Variants in EPS15L1 observed in about 807,000 individuals in gnomAD.
EPS15L1 encodes epidermal growth factor receptor substrate 15-like 1.
Under a neutral mutation model 117.1 loss-of-function variants are expected in EPS15L1, and 43 were observed. That is an observed-to-expected ratio of 0.37 (90% CI 0.29 to 0.47). The LOEUF is 0.47. Among genes scored for constraint, EPS15L1 ranks in the 20% least tolerant of loss-of-function variants. The probability of loss-of-function intolerance (pLI) is 0.99; values close to 1 mark genes in which losing one functional copy is unlikely to be tolerated. For synonymous variants in EPS15L1, 459 were observed against 470.5 expected (o/e 0.98, Z 0.32); for missense variants, 981 against 1,164.0 (o/e 0.84, Z 2.29).
rs772533372 is a variant in EPS15L1 at position 16,361,756 on chromosome 19, C to G, written c.2586+23G>C. On this transcript the variant is annotated intron_variant, in intron 23 of 23. Transcript: ENST00000455140. ...GCAAGCGGAAGGGAGTGGGGTGGCC[C>G]GGAGGCGGAGGACTCAACTTACAGA... 1.3e-5 allele frequency: 21 copies of G among 1,602,660 alleles called. 1 individual carries two copies. Among genetic ancestry groups the G allele is most frequent in the Admixed American group, 1.7e-5 (1 of 58,422 alleles).
At chr19:16,468,075 T>C (rs969869349) in intron 1 of EPS15L1, among the ~76,000 whole-genome samples, 13 of 152,110 alleles carry the variant, frequency 8.5e-5, no homozygotes, top group African/African-American at 2.9e-4. Flanking sequence ...TACCACGCGC[T>C]TCCTAGGTAC....
intron 20 of EPS15L1, 77 bp from the exon 21 acceptor site, chr19:16,385,288 G>T: frequency 8.3e-7 from 1 of 1,198,042 alleles, no homozygotes; most frequent in Non-Finnish European, 1.2e-6. Flanking sequence ...GGAAATGCTA[G>T]ATGGCCCCTG....
At chr19:16,401,924 G>T in intron 16 of EPS15L1, 9 of 1,009,566 alleles carry the variant, frequency 8.9e-6, no homozygotes, top group Non-Finnish European at 1.1e-5. Context: ...ATAGACACAT[G>T]CCCCTCAGAT....
chr19:16,374,875 G>A (rs548821190), intron 22 of EPS15L1, among the ~76,000 whole-genome samples: 7 of 152,388 alleles, frequency 4.6e-5, no homozygotes, highest in Non-Finnish European at 1.0e-4. Context: ...ACGCATATGT[G>A]TGTGCACGTT....
At chr19:16,367,515 A>C (rs1207014419) in intron 22 of EPS15L1, among the ~76,000 whole-genome samples, 4 of 149,212 alleles carry the variant, frequency 2.7e-5, no homozygotes, top group Non-Finnish European at 6.0e-5. Context: ...AAAAAAAAAA[A>C]AAAAAAAAAA....
chr19:16,449,976 G>A (rs2093124026), intron 1 of EPS15L1, among the ~76,000 whole-genome samples: 1 of 152,096 alleles, frequency 6.6e-6, no homozygotes, highest in African/African-American at 2.4e-5. Context: ...CAGAGTGGTG[G>A]TTGCCGGGGA....
At chr19:16,386,503 C>T (rs1369394201) in intron 19 of EPS15L1, among the ~76,000 whole-genome samples, 1 of 152,168 alleles carries the variant, frequency 6.6e-6, no homozygotes, top group East Asian at 1.9e-4. Context: ...AGGAAGAAGA[C>T]TTTGGAGGAG....
intron 19 of EPS15L1, 94 bp from the exon 20 acceptor site, chr19:16,386,325 T>C (rs184139470): frequency 1.0e-6 from 1 of 962,158 alleles, no homozygotes; most frequent in East Asian, 2.6e-5. Context: ...ATGTACAACA[T>C]CCAGTGCTGA....
Position 16,421,303 on chromosome 19 carries a change from A to C in EPS15L1, c.950+16T>G. On this transcript the variant is annotated intron_variant, in intron 10 of 23. Transcript: ENST00000455140. ...GGAGCCACCCACAGCCACAACTGCC[A>C]CCTGTCCGGCCTTACCATATGTGTG... 1 of 1,588,208 alleles carries C rather than the reference A, an allele frequency of 6.3e-7. No homozygotes were observed. Among genetic ancestry groups the C allele is most frequent in the Non-Finnish European group, 8.6e-7 (1 of 1,160,282 alleles).
intron 1 of EPS15L1, among the ~76,000 whole-genome samples, chr19:16,449,257 A>C (rs546625974): frequency 1.3e-5 from 2 of 151,978 alleles, no homozygotes; most frequent in Non-Finnish European, 2.9e-5. Flanking sequence ...AAAACAAACA[A>C]ACAAACAAAC....
At chr19:16,401,550 CG>C in intron 16 of EPS15L1, 3 of 985,656 alleles carry the variant, frequency 3.0e-6, no homozygotes, top group South Asian at 4.7e-5. Context: ...CATCCGCTCC[CG>C]GAACAGCACC....
intron 9 of EPS15L1, 28 bp from the exon 10 acceptor site, chr19:16,421,504 A>T: frequency 6.3e-7 from 1 of 1,594,646 alleles, no homozygotes; most frequent in Non-Finnish European, 8.6e-7. Flanking sequence ...AAAACAGTTA[A>T]TCTGGAAGCT....
At position 16,434,411 on chromosome 19, in the gene EPS15L1, T is replaced by A; in HGVS notation, c.452A>T (p.Lys151Met). Residue 151 changes from lysine to methionine, a missense_variant, in exon 7 of 24, where the codon AAG becomes ATG. By Grantham distance (95) the Lys-to-Met change is moderately conservative. Coordinates refer to ENST00000455140, the MANE Select transcript of EPS15L1 (RefSeq NM_001258374.3). The stretch of plus-strand genomic sequence containing the variant: ...CAGCTTTGAGTTCATGAGGACTGGC[T>A]TGACTTTGTCTCCAGAGAGCAAACC... ...INGLLSGDKV[K>M]PVLMNSKLPL... 2 of 1,614,220 alleles carry A rather than the reference T, an allele frequency of 1.2e-6. No individual in the cohort carries two copies. The highest frequency in any genetic ancestry group is 1.7e-6 in the Non-Finnish European group (2 of 1,180,040).
At position 16,405,296 on chromosome 19, in the gene EPS15L1, G is replaced by C. The variant is rs2092645097; in HGVS notation, c.1267-547C>G. Reference sequence around the variant, plus strand: ...GTCGCACTCCAGCTAGAGCAAAAGGGAATGGGTGGAGGCATCAGAGGCTGC... The same window carrying C: ...GTCGCACTCCAGCTAGAGCAAAAGGCAATGGGTGGAGGCATCAGAGGCTGC... On this transcript the variant is annotated intron_variant, in intron 13 of 23. Coordinates refer to ENST00000455140, the MANE Select transcript of EPS15L1 (RefSeq NM_001258374.3). The surrounding 1 kb of genome is among the most constrained non-coding windows in gnomAD (Gnocchi z 4.0). Among the ~76,000 whole-genome samples the C allele has an allele frequency of 6.6e-6, 1 of 152,184 alleles. No individual in the cohort carries two copies. The highest frequency in any genetic ancestry group is 1.5e-5 in the Non-Finnish European group (1 of 68,028).
At chr19:16,414,573 G>T (rs1216095213) in intron 12 of EPS15L1, among the ~76,000 whole-genome samples, 1 of 151,930 alleles carries the variant, frequency 6.6e-6, no homozygotes, top group Non-Finnish European at 1.5e-5. Context: ...GCTAATTTTT[G>T]TATTTTCAGT....
intron 1 of EPS15L1, among the ~76,000 whole-genome samples, chr19:16,446,713 G>A (rs528589172): frequency 2.6e-5 from 4 of 152,268 alleles, no homozygotes; most frequent in East Asian, 1.9e-4. Context: ...GCTGTGCACC[G>A]GACCACAGGA....
intron 22 of EPS15L1, among the ~76,000 whole-genome samples, chr19:16,376,706 C>T (rs368488054): frequency 2.6e-5 from 4 of 152,238 alleles, no homozygotes; most frequent in East Asian, 1.9e-4. Context: ...TCCCTGAGCA[C>T]GGACAGGGAG....
chr19:16,366,638 A>G (rs759307325), intron 22 of EPS15L1, among the ~76,000 whole-genome samples: 1 of 152,204 alleles, frequency 6.6e-6, no homozygotes, highest in African/African-American at 2.4e-5. Context: ...CAGAAGGAAC[A>G]TCAACAACAA....
At chr19:16,435,578 CAG>C (rs1474295704) in intron 6 of EPS15L1, among the ~76,000 whole-genome samples, 1 of 152,032 alleles carries the variant, frequency 6.6e-6, no homozygotes, top group Non-Finnish European at 1.5e-5. Context: ...CCCTCAGTCA[CAG>C]AGATGAGATC....
Sources: gnomAD v4.1 joint callset for allele counts (sites outside exome capture counted in the v4.1 genomes callset) on GRCh38, gnomAD v4.1.1 for gene constraint, Gnocchi (gnomAD v3.1) non-coding constraint, MANE v1.5 for transcripts, NCBI Gene and HGNC (gene_info 2026-07-23, HGNC 2026-07-21) for gene names.